Variants in SPAG17 observed in about 807,000 individuals in gnomAD.
SPAG17 encodes sperm associated antigen 17.
In SPAG17, 169 loss-of-function variants were observed where a neutral mutation model predicts 273.6. The observed-to-expected ratio is 0.62, with a 90% CI of 0.55 to 0.70. The LOEUF is 0.70. Among genes scored for constraint, SPAG17 ranks in the 30% least tolerant of loss-of-function variants. SPAG17 has a pLI of 0.00. For missense variants in SPAG17, 2,557 were observed against 2,627.8 expected (o/e 0.97, Z 0.59); for synonymous variants, 825 against 873.2 (o/e 0.94, Z 0.97).
rs1196861516 is a variant in SPAG17 at position 118,031,692 on chromosome 1, C to CT, written c.3608dup (p.Glu1204GlyfsTer47). On this transcript the variant is annotated frameshift_variant and splice_region_variant, in exon 25 of 49. Transcript: ENST00000336338. LOFTEE classifies it high-confidence loss of function. ...GGAATCTATGGCAAGGTTCATTTAC[C>CT]TTTTTCTCTTCTTCTTTTGGGTGTT... 2 of 1,612,102 alleles carry CT rather than the reference C, an allele frequency of 1.2e-6. No homozygotes were observed. The highest frequency in any genetic ancestry group is 1.7e-6 in the Non-Finnish European group (2 of 1,179,444).
At chr1:118,174,667 T>A (rs1218602759) in intron 1 of SPAG17, among the ~76,000 whole-genome samples, 1 of 152,064 alleles carries the variant, frequency 6.6e-6, no homozygotes, top group African/African-American at 2.4e-5. Flanking sequence ...AAGAGACACA[T>A]AATCAAATTA....
intron 3 of SPAG17, among the ~76,000 whole-genome samples, chr1:118,116,624 T>C (rs1370160990): frequency 2.0e-5 from 3 of 151,884 alleles, no homozygotes; most frequent in African/African-American, 7.3e-5. Context: ...GAAAGGGAGG[T>C]ACCTATTTTC....
intron 3 of SPAG17, among the ~76,000 whole-genome samples, chr1:118,123,542 C>T (rs1570734095): frequency 1.3e-5 from 2 of 152,094 alleles, no homozygotes; most frequent in South Asian, 2.1e-4. Flanking sequence ...GCAAATGGAA[C>T]GTTATGAAAG....
intron 3 of SPAG17, among the ~76,000 whole-genome samples, chr1:118,121,674 CAAAACCAGCCCCTG>C (rs1431733564): frequency 6.6e-6 from 1 of 152,188 alleles, no homozygotes; most frequent in East Asian, 1.9e-4. Context: ...TTGTCTTCCA[CAAAACCAGCCCCTG>C]GTGCCAAAAA....
chr1:118,012,107 TGGC>T, intron 30 of SPAG17, 118 bp downstream of exon 30: 1 of 897,994 alleles, frequency 1.1e-6, no homozygotes, highest in Non-Finnish European at 1.6e-6. Flanking sequence ...TTTCTTTAGT[TGGC>T]TAACTTTACC....
In SPAG17 at chr1:118,081,395, A is replaced by T; in HGVS notation, c.1990+20T>A. Reference sequence around the variant, plus strand: ...ATCATAAAATACAAGAATGCTTTCCATTCCCTCCATGCAGTGTACCTGCTT... The same window carrying T: ...ATCATAAAATACAAGAATGCTTTCCTTTCCCTCCATGCAGTGTACCTGCTT... On this transcript the variant is annotated intron_variant, in intron 14 of 48. Transcript: ENST00000336338. The T allele has an allele frequency of 1.9e-6, 3 of 1,612,544 alleles. No homozygotes were observed. Among genetic ancestry groups the T allele is most frequent in the Non-Finnish European group, 2.5e-6 (3 of 1,178,774 alleles).
At chr1:118,046,217 G>A (rs1451816311) in intron 20 of SPAG17, among the ~76,000 whole-genome samples, 2 of 151,994 alleles carry the variant, frequency 1.3e-5, no homozygotes, top group Non-Finnish European at 2.9e-5. Flanking sequence ...CACTGCTATA[G>A]TCCTAGCTAC....
At chr1:118,133,457 C>T (rs1200534307) in intron 3 of SPAG17, among the ~76,000 whole-genome samples, 2 of 152,118 alleles carry the variant, frequency 1.3e-5, no homozygotes, top group Non-Finnish European at 2.9e-5. Context: ...CCTGAAGATA[C>T]TCCTAATCCC....
At chr1:117,981,187 C>T (rs1655756951) in intron 43 of SPAG17, 83 bp downstream of exon 43, 53 of 1,408,682 alleles carry the variant, frequency 3.8e-5, no homozygotes, top group South Asian at 2.8e-4. Flanking sequence ...CTCTCAACCT[C>T]GCCTCCTAGC....
At chr1:118,022,298 T>A (rs1442769626) in intron 28 of SPAG17, among the ~76,000 whole-genome samples, 1 of 152,142 alleles carries the variant, frequency 6.6e-6, no homozygotes, top group Non-Finnish European at 1.5e-5. Flanking sequence ...ATATTTGAAA[T>A]ATCAGATTTT....
chr1:118,009,862 TA>T (rs1659290904), intron 30 of SPAG17, among the ~76,000 whole-genome samples: 1 of 130,500 alleles, frequency 7.7e-6, no homozygotes, highest in Non-Finnish European at 1.7e-5. Context: ...ATAAGGAAAA[TA>T]AAGAAAATAA....
intron 1 of SPAG17, among the ~76,000 whole-genome samples, chr1:118,163,663 C>A (rs71670823): frequency 2.1e-3 from 324 of 151,744 alleles, no homozygotes; most frequent in Middle Eastern, 3.4e-3. Context: ...ATCCCTACTT[C>A]ACACATACAT....
chr1:118,036,456 T>C lies in SPAG17; in HGVS notation c.3433+314A>G, dbSNP rs1292290659. Among the ~76,000 whole-genome samples, 3 of 152,228 alleles carry C rather than the reference T, an allele frequency of 2.0e-5. No individual in the cohort carries two copies. The East Asian group carries it at 5.8e-4, about 29-fold the overall frequency. On this transcript the variant is annotated intron_variant, in intron 24 of 48. Coordinates refer to ENST00000336338, the MANE Select transcript of SPAG17 (RefSeq NM_206996.4). ...GTATATATGTGTGTATATACATGTA[T>C]ACATACATGTATATATATAATCACA...
intron 46 of SPAG17, among the ~76,000 whole-genome samples, chr1:117,969,688 T>C (rs1161341562): frequency 6.6e-6 from 1 of 152,202 alleles, no homozygotes; most frequent in Non-Finnish European, 1.5e-5. Context: ...ACGTAAAATA[T>C]GAAGAACGGA....
chr1:118,046,375 A>T (rs1650355980), intron 20 of SPAG17, among the ~76,000 whole-genome samples: 1 of 152,016 alleles, frequency 6.6e-6, no homozygotes, highest in African/African-American at 2.4e-5. Flanking sequence ...AAATAAATGA[A>T]ACAATTACAA....
chr1:118,062,259 T>C (rs1652392465), intron 18 of SPAG17, among the ~76,000 whole-genome samples: 2 of 146,638 alleles, frequency 1.4e-5, no homozygotes, highest in Non-Finnish European at 3.0e-5. Context: ...CCCAGCTACT[T>C]GGGAGGCTGA....
chr1:118,091,492 G>A, intron 10 of SPAG17, 114 bp downstream of exon 10: 1 of 636,214 alleles, frequency 1.6e-6, no homozygotes. Context: ...TCTTTATAAA[G>A]GAGAATGCAC....
At chr1:118,092,135 T>C (rs1655416858) in intron 8 of SPAG17, 133 bp from the exon 9 acceptor site, 1 of 741,278 alleles carries the variant, frequency 1.3e-6, no homozygotes, top group South Asian at 1.7e-5. Flanking sequence ...AATCATCTGC[T>C]AATATTAGAA....
chr1:118,088,582 A>G (rs1383291222), intron 10 of SPAG17, among the ~76,000 whole-genome samples: 1 of 152,198 alleles, frequency 6.6e-6, no homozygotes, highest in Non-Finnish European at 1.5e-5. Flanking sequence ...GAGGTATCAG[A>G]GATGATAGAG....
Sources: gnomAD v4.1 joint callset for allele counts (sites outside exome capture counted in the v4.1 genomes callset) on GRCh38, gnomAD v4.1.1 for gene constraint, MANE v1.5 for transcripts, NCBI Gene and HGNC (gene_info 2026-07-23, HGNC 2026-07-21) for gene names.